The following PTGIS variants were observed in gnomAD, a reference collection of about 807,000 sequenced individuals.
PTGIS encodes the protein prostacyclin synthase.
PTGIS carries 45 observed loss-of-function variants against 50.3 expected under a neutral mutation model. The ratio of observed to expected loss-of-function variants is 0.90; its 90% CI spans 0.70 to 1.15. PTGIS has a LOEUF of 1.15. Among genes scored for constraint, PTGIS ranks in the 50% most tolerant of loss-of-function variants. The probability of loss-of-function intolerance (pLI) is 0.00; values close to 1 mark genes in which losing one functional copy is unlikely to be tolerated. For missense variants in PTGIS, 668 were observed against 661.3 expected (o/e 1.01, Z -0.11); for synonymous variants, 260 against 267.7 (o/e 0.97, Z 0.28).
chr20:49,564,840 T>C (rs970152128), intron 1 of PTGIS, among the ~76,000 whole-genome samples: 55 of 152,084 alleles, frequency 3.6e-4, no homozygotes, highest in Non-Finnish European at 6.3e-4. Flanking sequence ...ATAAGGGTGA[T>C]GGAAATTACC....
At chr20:49,516,686 G>A (rs1024057602) in intron 6 of PTGIS, among the ~76,000 whole-genome samples, 2 of 152,168 alleles carry the variant, frequency 1.3e-5, no homozygotes, top group African/African-American at 2.4e-5. Context: ...TTTAGTGCCC[G>A]TGAGGCCAGG....
intron 7 of PTGIS, among the ~76,000 whole-genome samples, 186 bp downstream of exon 7, chr20:49,514,041 A>C (rs975969458): frequency 2.6e-5 from 4 of 152,198 alleles, no homozygotes; most frequent in African/African-American, 9.7e-5. Flanking sequence ...GTTTTCTGTC[A>C]CTTGACCCCT....
chr20:49,554,744 G>A (rs1982585675), intron 1 of PTGIS, among the ~76,000 whole-genome samples: 1 of 152,120 alleles, frequency 6.6e-6, no homozygotes, highest in South Asian at 2.1e-4. Flanking sequence ...ACTGATGCAA[G>A]ACCAGCATCT....
Position 49,507,711 on chromosome 20 carries a change from T to C in PTGIS, c.*209A>G. On this transcript the variant is annotated 3_prime_UTR_variant, in exon 10 of 10. Transcript: ENST00000244043. ...TGATTTTGGAAAGAAAACTTTGCAG[T>C]GGATAATCCATAGAGCTTTCAATGT... The C allele has an allele frequency of 1.5e-6, 1 of 672,914 alleles. No individual in the cohort carries two copies. 41.7% of individuals were successfully genotyped at this position (672,914 alleles called of 1,614,324 possible).
chr20:49,534,492 G>A (rs1056022070), intron 5 of PTGIS, among the ~76,000 whole-genome samples: 7 of 152,158 alleles, frequency 4.6e-5, no homozygotes, highest in African/African-American at 1.7e-4. Flanking sequence ...GATGGGGGGA[G>A]TTCCTCTGCG....
intron 1 of PTGIS, 127 bp downstream of exon 1, chr20:49,567,916 C>A: frequency 2.2e-6 from 2 of 891,786 alleles, no homozygotes; most frequent in Middle Eastern, 3.9e-4. Context: ...CCGAGGGTCT[C>A]GCCTTGCCCG....
intron 5 of PTGIS, among the ~76,000 whole-genome samples, chr20:49,536,231 G>A (rs1982064629): frequency 6.6e-6 from 1 of 151,912 alleles, no homozygotes; most frequent in South Asian, 2.1e-4. Context: ...TGGAAGAAGG[G>A]GTATTATATT....
At chr20:49,560,097 G>A (rs1255772360) in intron 1 of PTGIS, among the ~76,000 whole-genome samples, 2 of 151,640 alleles carry the variant, frequency 1.3e-5, no homozygotes, top group Non-Finnish European at 2.9e-5. Context: ...CCAATTTTTT[G>A]TATTTTTAGT....
At position 49,539,587 on chromosome 20, in the gene PTGIS, C is replaced by T. The variant is rs759208880; in HGVS notation, c.656G>A (p.Arg219His). Residue 219 changes from arginine (R) to histidine (H), a missense_variant, in exon 5 of 10, where the codon CGT becomes CAT. Transcript: ENST00000244043. ...QLDRLLPKLA[R>H]GSLSVGDKDH... ...GTGCTTACCCACTGACAGGGAGCCA[C>T]GGGCCAGTTTGGGGAGCAGCCGGTC... The T allele has an allele frequency of 2.9e-5, 46 of 1,613,612 alleles. 1 individual carries two copies. The highest frequency in any genetic ancestry group is 8.9e-5 in the East Asian group (4 of 44,892).
chr20:49,566,063 C>G (rs1171765623), intron 1 of PTGIS, among the ~76,000 whole-genome samples: 1 of 152,036 alleles, frequency 6.6e-6, no homozygotes, highest in Non-Finnish European at 1.5e-5. Context: ...AATCCTGTCT[C>G]TACTAAAAAT....
chr20:49,539,438 G>A (rs1174582857), intron 5 of PTGIS, 132 bp downstream of exon 5: 13 of 1,108,574 alleles, frequency 1.2e-5, no homozygotes, highest in Non-Finnish European at 1.7e-5. Flanking sequence ...CCAGTGATGG[G>A]GATCTTACTG....
chr20:49,538,604 C>G (rs78266477), intron 5 of PTGIS, among the ~76,000 whole-genome samples: 1 of 151,796 alleles, frequency 6.6e-6, no homozygotes, highest in African/African-American at 2.4e-5. Flanking sequence ...GTGGCTACCT[C>G]GCAGGGGTGA....
chr20:49,530,154 CAAA>C lies in PTGIS; in HGVS notation c.674-5918_674-5916del, dbSNP rs58592527. ...GGGAGACAAAAACGAAACTCTGTCT[CAAA>C]AAAAAAAAAAAAAAATTAAACTCTG... On this transcript the variant is annotated intron_variant, in intron 5 of 9. Coordinates refer to ENST00000244043, the MANE Select transcript of PTGIS (RefSeq NM_000961.4). 9.5e-3 allele frequency among the ~76,000 whole-genome samples: 1,224 copies of C among 128,790 alleles called. 11 individuals carry two copies. Among genetic ancestry groups the C allele is most frequent in the African/African-American group, 0.033 (1,144 of 34,812 alleles). The allele number at this position is 128,790 out of a possible 152,430, so 84.5% of individuals were successfully genotyped here. A position where few individuals can be genotyped will look rare whatever the true frequency, so the allele number is the denominator to read the frequency against.
At chr20:49,550,888 G>GT (rs1263954708) in intron 1 of PTGIS, among the ~76,000 whole-genome samples, 1 of 152,246 alleles carries the variant, frequency 6.6e-6, no homozygotes, top group African/African-American at 2.4e-5. Context: ...CAAGTTTGAA[G>GT]TTTTTTTTCC....
rs559480701 is a variant in PTGIS, at chr20:49,567,378, C to T, written c.74+665G>A. ...CCGTTCTGTCCAGGCTGTGGGACCT[C>T]AGGGGAAGGTAGAGACTTCATAGGC... On this transcript the variant is annotated intron_variant, in intron 1 of 9. Transcript: ENST00000244043. 3.9e-5 allele frequency among the ~76,000 whole-genome samples: 6 copies of T among 152,224 alleles called. No individual in the cohort carries two copies. The South Asian group carries it at 1.2e-3, about 32-fold the overall frequency.
chr20:49,508,970 G>A (rs1223718883), intron 9 of PTGIS, among the ~76,000 whole-genome samples: 1 of 152,172 alleles, frequency 6.6e-6, no homozygotes, highest in African/African-American at 2.4e-5. Context: ...CCCCAACCCA[G>A]GCGCCCGATG....
Position 49,559,232 on chromosome 20 carries a change from A to C in PTGIS, c.74+8811T>G, listed in dbSNP as rs149116240. Among the ~76,000 whole-genome samples, 79 of 152,274 alleles carry C rather than the reference A, an allele frequency of 5.2e-4. No individual in the cohort carries two copies. In the East Asian group the frequency reaches 0.013, roughly 26 times the overall value. ...TTCTTATGGAAGATTGTTAGGTAAC[A>C]ATCTTTTGTCCCCAGCCCTTGTGGT... On this transcript the variant is annotated intron_variant, in intron 1 of 9. Coordinates refer to ENST00000244043, the MANE Select transcript of PTGIS (RefSeq NM_000961.4).
At chr20:49,550,558 A>G (rs1245842969) in intron 1 of PTGIS, among the ~76,000 whole-genome samples, 1 of 152,224 alleles carries the variant, frequency 6.6e-6, no homozygotes, top group Non-Finnish European at 1.5e-5. Context: ...TAGTTTACAA[A>G]TTGGCGACCA....
intron 1 of PTGIS, among the ~76,000 whole-genome samples, chr20:49,566,814 G>T (rs1312555070): frequency 6.6e-6 from 1 of 152,298 alleles, no homozygotes; most frequent in Admixed American, 6.5e-5. Flanking sequence ...CCGGATCCTG[G>T]AACAAAAGAG....
Sources: gnomAD v4.1 joint callset for allele counts (sites outside exome capture counted in the v4.1 genomes callset) on GRCh38, gnomAD v4.1.1 for gene constraint, MANE v1.5 for transcripts, NCBI Gene and HGNC (gene_info 2026-07-23, HGNC 2026-07-21) for gene names.